Variants in CENPT observed in about 807,000 individuals in gnomAD.
CENPT encodes the protein centromere protein T, also known as interphase centromere complex protein 22.
In CENPT, 42 loss-of-function variants were observed where a neutral mutation model predicts 59.7. The ratio of observed to expected loss-of-function variants is 0.70; its 90% CI spans 0.55 to 0.91. The LOEUF (loss-of-function observed/expected upper bound fraction) is 0.91, where lower values mean the gene tolerates loss of function less well. Among genes scored for constraint, CENPT ranks in the 40% least tolerant of loss-of-function variants. The probability of loss-of-function intolerance (pLI) is 0.00; values close to 1 mark genes in which losing one functional copy is unlikely to be tolerated. For missense variants in CENPT, 716 were observed against 713.4 expected (o/e 1.00, Z -0.04); for synonymous variants, 295 against 289.6 (o/e 1.02, Z -0.19).
In CENPT at chr16:67,832,105, G is replaced by A. The variant is rs749906158; in HGVS notation, c.293C>T (p.Pro98Leu). Residue 98 changes from proline to leucine, a missense_variant, in exon 7 of 16, where the codon CCA (proline) becomes CTA (leucine). Pro to Leu is a moderately conservative substitution (Grantham distance 98, BLOSUM62 -3). Transcript: ENST00000562787. ...CTCAGGCATCAGGATGGAAGATTCTGGGGCTGCAGAAACACCAAGGAGAGG... is the reference window on the plus strand; with the variant it reads ...CTCAGGCATCAGGATGGAAGATTCTAGGGCTGCAGAAACACCAAGGAGAGG... The part of the protein sequence containing the change: ...TLLKNILLTA[P>L]ESSILMPESV... The A allele has an allele frequency of 1.2e-6, 2 of 1,611,664 alleles. No homozygotes were observed. Among genetic ancestry groups the A allele is most frequent in the South Asian group, 2.2e-5 (2 of 90,870 alleles).
intron 12 of CENPT, 99 bp from the exon 13 acceptor site, chr16:67,829,615 C>T: frequency 7.4e-7 from 1 of 1,343,990 alleles, no homozygotes; most frequent in Non-Finnish European, 1.0e-6. Flanking sequence ...TGGTGGGCCC[C>T]ACCTAGCTCC....
rs571396583 is a variant in CENPT at position 67,845,264 on chromosome 16, TTC to T, written c.-492+2135_-492+2136del. Among the ~76,000 whole-genome samples the T allele has an allele frequency of 5.3e-5, 8 of 152,324 alleles. No individual in the cohort carries two copies. The South Asian group carries it at 1.5e-3, about 28-fold the overall frequency. ...TCAGACCCCATAAAATATGACTCCC[TTC>T]TCTTTCTTACTTATGGACAAAGCCA... On this transcript the variant is annotated intron_variant, in intron 1 of 15. Coordinates refer to ENST00000562787, the MANE Select transcript of CENPT (RefSeq NM_025082.4).
chr16:67,831,129 G>A, intron 10 of CENPT, 87 bp downstream of exon 10: 1 of 1,578,306 alleles, frequency 6.3e-7, no homozygotes, highest in Non-Finnish European at 8.7e-7. Context: ...CACCGAGAGG[G>A]GTGCAACCCT....
chr16:67,829,706 C>G (rs965256416), intron 12 of CENPT, 59 bp downstream of exon 12: 19 of 1,553,334 alleles, frequency 1.2e-5, no homozygotes, highest in Non-Finnish European at 1.7e-5. Context: ...CAAGGCCTTT[C>G]TGTGTGCTAG....
chr16:67,833,315 T>G (rs1476197238), intron 4 of CENPT, among the ~76,000 whole-genome samples: 1 of 152,118 alleles, frequency 6.6e-6, no homozygotes, highest in Non-Finnish European at 1.5e-5. Context: ...GTGGGAACCC[T>G]CGGGACGCAG....
At chr16:67,839,260 C>A (rs1246752924) in intron 1 of CENPT, among the ~76,000 whole-genome samples, 1 of 151,804 alleles carries the variant, frequency 6.6e-6, no homozygotes, top group Admixed American at 6.6e-5. Flanking sequence ...GTGGTGGGCA[C>A]CTATAATACC....
Position 67,842,710 on chromosome 16 carries a change from C to T in CENPT, c.-492+4691G>A, listed in dbSNP as rs907776024. 3.0e-5 allele frequency: 48 copies of T among 1,603,066 alleles called. No homozygotes were observed. Among genetic ancestry groups the T allele is most frequent in the Non-Finnish European group, 3.9e-5 (46 of 1,174,918 alleles). On this transcript the variant is annotated intron_variant, in intron 1 of 15. Transcript: ENST00000562787. This position sits in a 1 kb window ranked among gnomAD's most constrained non-coding sequence, Gnocchi z 4.9. Reference sequence around the variant, plus strand: ...GCGTCAGTGGGTGCTTCTCCACCTTCCAGCCCACCACAGGCCACCGTCTCT... The same window carrying T: ...GCGTCAGTGGGTGCTTCTCCACCTTTCAGCCCACCACAGGCCACCGTCTCT...
At position 67,843,624 on chromosome 16, in the gene CENPT, T is replaced by A. The variant is rs1359249222; in HGVS notation, c.-492+3777A>T. ...GTACTGAGGCTTAAGGCAGCTGGAC[T>A]CTCTTGCTGGTGACCTGGCATCCTC... On this transcript the variant is annotated intron_variant, in intron 1 of 15. Coordinates refer to ENST00000562787, the MANE Select transcript of CENPT (RefSeq NM_025082.4). This position sits in a 1 kb window ranked among gnomAD's most constrained non-coding sequence, Gnocchi z 5.7. The A allele has an allele frequency of 2.0e-6, 2 of 987,814 alleles. No individual in the cohort carries two copies. The highest frequency in any genetic ancestry group is 3.3e-5 in the African/African-American group (2 of 60,646). The allele number at this position is 987,814 out of a possible 1,614,324, so 61.2% of individuals were successfully genotyped here. A position where few individuals can be genotyped will look rare whatever the true frequency, so the allele number is the denominator to read the frequency against.
Position 67,843,295 on chromosome 16 carries a change from C to G in CENPT, c.-492+4106G>C, listed in dbSNP as rs770973731. On this transcript the variant is annotated intron_variant, in intron 1 of 15. Transcript: ENST00000562787. This position sits in a 1 kb window ranked among gnomAD's most constrained non-coding sequence, Gnocchi z 5.7. Reference sequence around the variant, plus strand: ...ATACTGGCTCCGACCATTCGTACTCCTTGTCGTCAGGCACCACGGAGGAGG... The same window carrying G: ...ATACTGGCTCCGACCATTCGTACTCGTTGTCGTCAGGCACCACGGAGGAGG... 8.1e-6 allele frequency: 13 copies of G among 1,613,864 alleles called. No individual in the cohort carries two copies. The highest frequency in any genetic ancestry group is 1.0e-5 in the Non-Finnish European group (12 of 1,180,006).
intron 1 of CENPT, among the ~76,000 whole-genome samples, chr16:67,840,215 G>A (rs1366473310): frequency 6.6e-6 from 1 of 152,210 alleles, no homozygotes; most frequent in Non-Finnish European, 1.5e-5. Flanking sequence ...CTACTTGGGA[G>A]GCTGAGGCAG....
Position 67,831,373 on chromosome 16 carries a change from A to G in CENPT, c.561-15T>C, listed in dbSNP as rs1322235723. On this transcript the variant is annotated splice_polypyrimidine_tract_variant and intron_variant, in intron 9 of 15. Coordinates refer to ENST00000562787, the MANE Select transcript of CENPT (RefSeq NM_025082.4). Reference sequence around the variant, plus strand: ...GGTTGAGGGATCTGGTGAGGTGGGGAGGCACAGAGGAAAGTCAGGTACCTG... The same window carrying G: ...GGTTGAGGGATCTGGTGAGGTGGGGGGGCACAGAGGAAAGTCAGGTACCTG... The G allele has an allele frequency of 6.2e-7, 1 of 1,610,068 alleles. No individual in the cohort carries two copies. The highest frequency in any genetic ancestry group is 8.5e-7 in the Non-Finnish European group (1 of 1,177,244).
In CENPT at chr16:67,833,849, T is replaced by C. The variant is rs752052036; in HGVS notation, c.11A>G (p.His4Arg). The change falls in exon 4 of 16, where the codon CAC (histidine) becomes CGC (arginine). Residue 4 changes from histidine to arginine, a missense_variant. His to Arg is a conservative substitution (Grantham distance 29). Coordinates refer to ENST00000562787, the MANE Select transcript of CENPT (RefSeq NM_025082.4). Reference protein sequence around the residue: MADHNPDSDSTPRT... With the variant: MADRNPDSDSTPRT... Reference sequence around the variant, plus strand: ...CGGCGTGGAGTCGCTGTCAGGGTTGTGGTCAGCCATCGTCTCGGCCCCGGG... The same window carrying C: ...CGGCGTGGAGTCGCTGTCAGGGTTGCGGTCAGCCATCGTCTCGGCCCCGGG... 11 of 1,555,922 alleles carry C rather than the reference T, an allele frequency of 7.1e-6. No individual in the cohort carries two copies. The highest frequency in any genetic ancestry group is 2.5e-5 in the East Asian group (1 of 39,218).
chr16:67,833,757 G>C lies in CENPT; in HGVS notation c.103C>G (p.Arg35Gly). The C allele has an allele frequency of 1.9e-6, 3 of 1,542,528 alleles. No homozygotes were observed. Among genetic ancestry groups the C allele is most frequent in the Non-Finnish European group, 2.6e-6 (3 of 1,146,258 alleles). The change falls in exon 4 of 16, where the codon CGG becomes GGG. Residue 35 changes from arginine to glycine, a missense_variant. By Grantham distance (125) the Arg-to-Gly change is moderately radical (BLOSUM62 -2). Coordinates refer to ENST00000562787, the MANE Select transcript of CENPT (RefSeq NM_025082.4). ...GGGAGCCCCCTCACATACCCAGCCCGAGCACTCCGGGGTCGCCGCGGGGTG... is the reference window on the plus strand; with the variant it reads ...GGGAGCCCCCTCACATACCCAGCCCCAGCACTCCGGGGTCGCCGCGGGGTG... Reference protein sequence around the residue: ...PRTPRRPRSARAGARRALLET... With the variant: ...PRTPRRPRSAGAGARRALLET...
chr16:67,842,868 AGC>A lies in CENPT; in HGVS notation c.-492+4531_-492+4532del, dbSNP rs1491123880. On this transcript the variant is annotated intron_variant, in intron 1 of 15. Transcript: ENST00000562787. The surrounding 1 kb of genome is among the most constrained non-coding windows in gnomAD (Gnocchi z 4.9). Reference sequence around the variant, plus strand: ...GCCGCGGCCGCCCGCCGCAGGCAGCAGCAGCAACAGCAGCAGCAGCAGCAACA... The same window carrying A: ...GCCGCGGCCGCCCGCCGCAGGCAGCAAGCAACAGCAGCAGCAGCAGCAACA... 10 of 1,604,440 alleles carry A rather than the reference AGC, an allele frequency of 6.2e-6. No individual in the cohort carries two copies. In the African/African-American group the frequency reaches 1.2e-4, roughly 19 times the overall value.
At chr16:67,835,846 T>C (rs1236813007) in intron 1 of CENPT, among the ~76,000 whole-genome samples, 188 bp from the exon 2 acceptor site, 1 of 148,838 alleles carries the variant, frequency 6.7e-6, no homozygotes, top group Admixed American at 6.7e-5. Flanking sequence ...TTTGTTTTTG[T>C]TTTTTTTTTG....
At position 67,833,759 on chromosome 16, in the gene CENPT, G is replaced by A; in HGVS notation, c.101C>T (p.Ala34Val). 1 of 1,544,786 alleles carries A rather than the reference G, an allele frequency of 6.5e-7. No individual in the cohort carries two copies. The highest frequency in any genetic ancestry group is 2.6e-5 in the East Asian group (1 of 39,146). Residue 34 changes from alanine to valine, a missense_variant, in exon 4 of 16, where the codon GCT becomes GTT. By Grantham distance (64) the Ala-to-Val change is moderately conservative (BLOSUM62 0). Coordinates refer to ENST00000562787, the MANE Select transcript of CENPT (RefSeq NM_025082.4). ...DPRTPRRPRS[A>V]RAGARRALLE... ...GAGCCCCCTCACATACCCAGCCCGA[G>A]CACTCCGGGGTCGCCGCGGGGTGCG...
chr16:67,843,354 TC>T lies in CENPT; in HGVS notation c.-492+4046del. 2 of 1,613,930 alleles carry T rather than the reference TC, an allele frequency of 1.2e-6. No homozygotes were observed. The highest frequency in any genetic ancestry group is 1.1e-5 in the South Asian group (1 of 91,090). ...CGCAAGCTGAATGAGCAGCGGGACA[TC>T]CTGGCTCTGATGGAAGTGAAGATGA... is the stretch of plus-strand genomic sequence containing the variant. On this transcript the variant is annotated intron_variant, in intron 1 of 15. Coordinates refer to ENST00000562787, the MANE Select transcript of CENPT (RefSeq NM_025082.4). This position sits in a 1 kb window ranked among gnomAD's most constrained non-coding sequence, Gnocchi z 5.7.
chr16:67,828,886 G>A (rs751934057), intron 13 of CENPT, 43 bp from the exon 14 acceptor site: 2 of 1,535,958 alleles, frequency 1.3e-6, no homozygotes, highest in Non-Finnish European at 1.7e-6. Context: ...TTGCCTCAAG[G>A]AGGCTCTTAT....
At chr16:67,839,716 T>C (rs2057750856) in intron 1 of CENPT, among the ~76,000 whole-genome samples, 1 of 151,066 alleles carries the variant, frequency 6.6e-6, no homozygotes, top group South Asian at 2.1e-4. Context: ...CTACTAAAAG[T>C]ACACAAAATT....
Sources: gnomAD v4.1 joint callset for allele counts (sites outside exome capture counted in the v4.1 genomes callset) on GRCh38, gnomAD v4.1.1 for gene constraint, Gnocchi (gnomAD v3.1) non-coding constraint, MANE v1.5 for transcripts, NCBI Gene and HGNC (gene_info 2026-07-23, HGNC 2026-07-21) for gene names.